Variants in ARMC8 observed in about 807,000 individuals in gnomAD.
The protein encoded by ARMC8 is armadillo repeat containing 8, also known as armadillo repeat-containing protein 8.
A neutral mutation model predicts 99.3 loss-of-function variants in ARMC8; 20 were observed. The observed-to-expected ratio is 0.20, with a 90% CI of 0.14 to 0.29. ARMC8 has a LOEUF of 0.29. ARMC8 is among the 10% of genes least tolerant of loss of function. The pLI is 1.00. For missense variants in ARMC8, 569 were observed against 809.5 expected, an observed-to-expected ratio of 0.70 and a Z score of 3.60; for synonymous variants, 263 against 278.3, an observed-to-expected ratio of 0.95 and a Z score of 0.55.
intron 1 of ARMC8, among the ~76,000 whole-genome samples, chr3:138,204,424 T>C (rs531886816): frequency 6.6e-6 from 1 of 152,196 alleles, no homozygotes; most frequent in African/African-American, 2.4e-5. Flanking sequence ...TGCTCCAATT[T>C]ATTCTGTCTT....
At chr3:138,264,287 C>T (rs2048037709) in intron 14 of ARMC8, 75 bp downstream of exon 14, 1 of 1,161,162 alleles carries the variant, frequency 8.6e-7, no homozygotes, top group Admixed American at 1.8e-5. Context: ...AACACTACTC[C>T]CTGGTCTAGG....
At chr3:138,270,398 AT>A (rs2048678626) in intron 16 of ARMC8, among the ~76,000 whole-genome samples, 1 of 152,172 alleles carries the variant, frequency 6.6e-6, no homozygotes, top group Admixed American at 6.5e-5. Context: ...GGGAAAATAA[AT>A]TTTCCTTATC....
intron 1 of ARMC8, among the ~76,000 whole-genome samples, chr3:138,193,753 A>G (rs546484020): frequency 6.6e-6 from 1 of 152,364 alleles, no homozygotes; most frequent in East Asian, 1.9e-4. Flanking sequence ...AACTTTTAGA[A>G]TAAAACAGGA....
At chr3:138,191,967 G>T (rs2043412099) in intron 1 of ARMC8, among the ~76,000 whole-genome samples, 1 of 152,160 alleles carries the variant, frequency 6.6e-6, no homozygotes, top group Non-Finnish European at 1.5e-5. Flanking sequence ...ATCATGTACA[G>T]GTTTGTAAGG....
chr3:138,261,243 G>A (rs950791958), intron 12 of ARMC8, among the ~76,000 whole-genome samples: 2 of 152,196 alleles, frequency 1.3e-5, no homozygotes, highest in African/African-American at 2.4e-5. Context: ...TGAATATAAG[G>A]TATAGTGCTA....
chr3:138,234,824 T>G (rs2046247259), intron 6 of ARMC8, among the ~76,000 whole-genome samples: 1 of 152,216 alleles, frequency 6.6e-6, no homozygotes, highest in Non-Finnish European at 1.5e-5. Context: ...AGGCAGCATT[T>G]CTAGAACTGG....
chr3:138,250,632 A>G (rs147930936), intron 12 of ARMC8, among the ~76,000 whole-genome samples: 2 of 152,316 alleles, frequency 1.3e-5, no homozygotes, highest in East Asian at 3.9e-4. Flanking sequence ...TAAGAAAAGT[A>G]AGGAGGCCAA....
intron 6 of ARMC8, 73 bp downstream of exon 6, chr3:138,229,083 T>C (rs2045844321): frequency 3.0e-6 from 3 of 989,228 alleles, no homozygotes; most frequent in Non-Finnish European, 4.4e-6. Flanking sequence ...CTTCTTTGTG[T>C]ACCCTCCCAG....
chr3:138,239,274 T>A, intron 9 of ARMC8, 194 bp from the exon 10 acceptor site: 1 of 494,926 alleles, frequency 2.0e-6, no homozygotes, highest in Non-Finnish European at 3.6e-6. Context: ...GCTTACCATC[T>A]GTATTTGTCA....
Position 138,298,044 on chromosome 3 carries a change from ATT to A in ARMC8, c.*2154_*2155del, listed in dbSNP as rs2108418061. 1 of 152,346 alleles carries A rather than the reference ATT, an allele frequency of 6.6e-6. No individual in the cohort carries two copies. Among genetic ancestry groups the A allele is most frequent in the African/African-American group, 2.4e-5 (1 of 41,582 alleles). The allele number at this position is 152,346 out of a possible 1,614,324, so 9.4% of individuals were successfully genotyped here. ...TGCTTTACTATAATTAACTTTTCTGATTTGAATGAAGGGAAATGTATTTATTG... is the reference window on the plus strand; with the variant it reads ...TGCTTTACTATAATTAACTTTTCTGATGAATGAAGGGAAATGTATTTATTG... On this transcript the variant is annotated 3_prime_UTR_variant, in exon 22 of 22. Transcript: ENST00000469044.
chr3:138,261,484 A>G (rs1456793820), intron 12 of ARMC8: 1 of 152,200 alleles, frequency 6.6e-6, no homozygotes, highest in Non-Finnish European at 1.5e-5. Flanking sequence ...TTAGGCAATC[A>G]GAAGTATGGA....
At chr3:138,231,961 CT>C (rs61298993) in intron 6 of ARMC8, among the ~76,000 whole-genome samples, 203 of 58,612 alleles carry the variant, frequency 3.5e-3, no homozygotes, top group African/African-American at 0.016. Flanking sequence ...CTTGCAATTG[CT>C]TTTTTTTTTT....
At chr3:138,236,067 A>G (rs1046919159) in intron 7 of ARMC8, among the ~76,000 whole-genome samples, 5 of 151,940 alleles carry the variant, frequency 3.3e-5, no homozygotes, top group Non-Finnish European at 7.4e-5. Context: ...TGGCCTCCCA[A>G]AGTGCTGGGA....
At chr3:138,269,681 C>G (rs1000379987) in intron 15 of ARMC8, among the ~76,000 whole-genome samples, 1 of 151,992 alleles carries the variant, frequency 6.6e-6, no homozygotes, top group Admixed American at 6.6e-5. Context: ...AGAGTCTCAG[C>G]GAAAGATGAG....
At position 138,209,808 on chromosome 3, in the gene ARMC8, A is replaced by G. The variant is rs192366102; in HGVS notation, c.46-9A>G. The G allele has an allele frequency of 3.1e-6, 5 of 1,612,990 alleles. No homozygotes were observed. The highest frequency in any genetic ancestry group is 3.3e-5 in the Admixed American group (2 of 59,906). ...TTCAGATGTCATAATTTTTCCCCCC[A>G]CTTTCTAGGAAGTAACAGCTAGCAG... On this transcript the variant is annotated splice_polypyrimidine_tract_variant and intron_variant, in intron 1 of 21. Coordinates refer to ENST00000469044, the MANE Select transcript of ARMC8 (RefSeq NM_001363941.2).
intron 14 of ARMC8, among the ~76,000 whole-genome samples, chr3:138,266,815 T>A (rs1380328820): frequency 3.3e-5 from 5 of 152,160 alleles, no homozygotes; most frequent in Admixed American, 2.0e-4. Flanking sequence ...GGGGCTTGAC[T>A]GATGGAGTAG....
intron 4 of ARMC8, 30 bp from the exon 5 acceptor site, chr3:138,223,606 A>T (rs1475483544): frequency 2.7e-5 from 43 of 1,613,748 alleles, no homozygotes; most frequent in Non-Finnish European, 3.6e-5. Context: ...GGTTGAAAGG[A>T]TTAGTCCTAA....
chr3:138,263,714 A>G, intron 12 of ARMC8, 25 bp from the exon 13 acceptor site: 1 of 1,580,258 alleles, frequency 6.3e-7, no homozygotes, highest in Non-Finnish European at 8.7e-7. Context: ...GTTGTTATTT[A>G]TGCAGCATTA....
chr3:138,246,087 C>G, intron 12 of ARMC8: 1 of 985,188 alleles, frequency 1.0e-6, no homozygotes, highest in Non-Finnish European at 1.2e-6. Context: ...TAGAGTTTAC[C>G]ATGATTCAGA....
Sources: gnomAD v4.1 joint callset for allele counts (sites outside exome capture counted in the v4.1 genomes callset) on GRCh38, gnomAD v4.1.1 for gene constraint, MANE v1.5 for transcripts, NCBI Gene and HGNC (gene_info 2026-07-23, HGNC 2026-07-21) for gene names.